The following ATP13A2 variants were observed in gnomAD, a reference collection of about 807,000 sequenced individuals.
ATP13A2 encodes ATPase cation transporting 13A2.
In ATP13A2, 83 loss-of-function variants were observed where a neutral mutation model predicts 138.3. The ratio of observed to expected loss-of-function variants is 0.60; its 90% CI spans 0.50 to 0.72. ATP13A2 has a LOEUF of 0.72. Ranked by LOEUF, ATP13A2 falls within the 30% of genes least tolerant of loss-of-function variation. The pLI, the probability that ATP13A2 is intolerant of heterozygous loss-of-function variation, is 0.00. For missense variants in ATP13A2, 1,402 were observed against 1,606.4 expected (o/e 0.87, Z 2.17); for synonymous variants, 663 against 699.0 (o/e 0.95, Z 0.81).
rs41273151 is a variant in ATP13A2 at position 16,986,101 on chromosome 1, T to A, written c.*120A>T. 8,298 of 1,555,544 alleles carry A rather than the reference T, an allele frequency of 5.3e-3. 24 individuals are homozygous for A. The highest frequency in any genetic ancestry group is 6.5e-3 in the Non-Finnish European group (7,451 of 1,152,618). ...GGTGGGGGTGGTCTCGGGGGAGGAGTGTAGACAGTCGCCAACCTCAGGGAT... is the reference window on the plus strand; with the variant it reads ...GGTGGGGGTGGTCTCGGGGGAGGAGAGTAGACAGTCGCCAACCTCAGGGAT... On this transcript the variant is annotated 3_prime_UTR_variant, in exon 29 of 29. Transcript: ENST00000326735. This position sits in a 1 kb window ranked among gnomAD's most constrained non-coding sequence, Gnocchi z 6.9.
rs533548757 is a variant in ATP13A2 at position 16,986,321 on chromosome 1, C to G, written c.3443G>C (p.Arg1148Pro). 3 of 1,587,560 alleles carry G rather than the reference C, an allele frequency of 1.9e-6. No individual in the cohort carries two copies. The highest frequency in any genetic ancestry group is 2.7e-5 in the African/African-American group (2 of 74,450). ...LDQCLPACLRRLRPKRASKKR... is the reference protein window; with the variant it reads ...LDQCLPACLRPLRPKRASKKR... ...CTTGGAGGCCCGCTTGGGCCGGAGGCGGCGCAGGCAGGCGGGGAGGCACTG... is the reference window on the plus strand; with the variant it reads ...CTTGGAGGCCCGCTTGGGCCGGAGGGGGCGCAGGCAGGCGGGGAGGCACTG... Residue 1148 changes from arginine to proline, a missense_variant, in exon 29 of 29, where the codon CGC becomes CCC. Coordinates refer to ENST00000326735, the MANE Select transcript of ATP13A2 (RefSeq NM_022089.4). The surrounding 1 kb of genome is among the most constrained non-coding windows in gnomAD (Gnocchi z 6.9).
At chr1:17,008,062 A>G (rs2077629436) in intron 1 of ATP13A2, among the ~76,000 whole-genome samples, 1 of 146,578 alleles carries the variant, frequency 6.8e-6, no homozygotes, top group Non-Finnish European at 1.5e-5. Context: ...TCATTCATTT[A>G]TTTACTTATC....
Position 16,995,832 on chromosome 1 carries a change from G to T in ATP13A2, c.1542+144C>A. The stretch of plus-strand genomic sequence containing the variant: ...GCCCAGTGAGGGCAGGAGTGGGATG[G>T]GGTGGATCCTCTGGGGGTTTCCATC... On this transcript the variant is annotated intron_variant, in intron 15 of 28. Transcript: ENST00000326735. This position sits in a 1 kb window ranked among gnomAD's most constrained non-coding sequence, Gnocchi z 4.1. 2.1e-6 allele frequency: 2 copies of T among 967,922 alleles called. No homozygotes were observed. The highest frequency in any genetic ancestry group is 3.2e-6 in the Non-Finnish European group (2 of 627,166). The allele number at this position is 967,922 out of a possible 1,614,324, so 60.0% of individuals were successfully genotyped here.
intron 12 of ATP13A2, 61 bp downstream of exon 12, chr1:16,996,959 C>T: frequency 6.3e-7 from 1 of 1,575,830 alleles, no homozygotes; most frequent in Non-Finnish European, 8.6e-7. Context: ...CTGCCTCACT[C>T]CACCTCTCCC....
At chr1:17,009,932 T>C (rs1414871896) in intron 1 of ATP13A2, among the ~76,000 whole-genome samples, 1 of 152,122 alleles carries the variant, frequency 6.6e-6, no homozygotes, top group Non-Finnish European at 1.5e-5. Flanking sequence ...GGGCACTCTC[T>C]CCTGCAGTAC....
Position 16,986,509 on chromosome 1 carries a change from A to G in ATP13A2, c.3359T>C (p.Leu1120Pro). 1 of 1,612,730 alleles carries G rather than the reference A, an allele frequency of 6.2e-7. No homozygotes were observed. Among genetic ancestry groups the G allele is most frequent in the Non-Finnish European group, 8.5e-7 (1 of 1,179,894 alleles). The change falls in exon 28 of 29, where the codon CTG becomes CCG. Residue 1120 changes from leucine (L) to proline (P), a missense_variant. Coordinates refer to ENST00000326735, the MANE Select transcript of ATP13A2 (RefSeq NM_022089.4). The surrounding 1 kb of genome is among the most constrained non-coding windows in gnomAD (Gnocchi z 6.9). Reference protein sequence around the residue: ...NITDTGFKLLLLGLVTLNFVG... With the variant: ...NITDTGFKLLPLGLVTLNFVG... ...GAAGTTGAGGGTGACCAGACCCAGC[A>G]GCAGCAGCTTGAAGCCGGTGTCAGT...
At position 16,989,700 on chromosome 1, in the gene ATP13A2, T is replaced by C; in HGVS notation, c.2600A>G (p.Gln867Arg). ...TCTGCCGAGCACTCACTGAAGCTTCTGTAGCTCGCACACCAGCTCTGTCTT... is the reference window on the plus strand; with the variant it reads ...TCTGCCGAGCACTCACTGAAGCTTCCGTAGCTCGCACACCAGCTCTGTCTT... ...EQKTELVCEL[Q>R]KLQYCVGMCG... is the part of the protein sequence containing the mutation. The change falls in exon 23 of 29, where the codon CAG (glutamine) becomes CGG (arginine). Residue 867 changes from glutamine to arginine, a missense_variant. Gln to Arg is a conservative substitution (Grantham distance 43). Transcript: ENST00000326735. 6.2e-7 allele frequency: 1 copy of C among 1,614,144 alleles called. No individual in the cohort carries two copies.
In ATP13A2 at chr1:16,988,346, A is replaced by G. The variant is rs1330668231; in HGVS notation, c.2738T>C (p.Ile913Thr). ...VSPFTSSMAS[I>T]ECVPMVIREG... ...CCTGATGACCATGGGCACGCACTCA[A>G]TACTGGCCATGCTCGAGGTGAAGGG... The change falls in exon 24 of 29, where the codon ATT (isoleucine) becomes ACT (threonine). Residue 913 changes from isoleucine (I) to threonine (T), a missense_variant. Coordinates refer to ENST00000326735, the MANE Select transcript of ATP13A2 (RefSeq NM_022089.4). The G allele has an allele frequency of 1.2e-6, 2 of 1,614,020 alleles. No individual in the cohort carries two copies. The highest frequency in any genetic ancestry group is 8.5e-7 in the Non-Finnish European group (1 of 1,180,036).
In ATP13A2 at chr1:16,988,333, G is replaced by A. The variant is rs1466893308; in HGVS notation, c.2751C>T (p.Pro917=). The A allele has an allele frequency of 1.2e-6, 2 of 1,614,216 alleles. No homozygotes were observed. The highest frequency in any genetic ancestry group is 1.7e-6 in the Non-Finnish European group (2 of 1,180,046). The change falls in exon 24 of 29, where the codon CCC becomes CCT. Residue 917 remains proline (P), a synonymous_variant. Transcript: ENST00000326735. The part of the protein sequence containing the change: ...TSSMASIECV[P]MVIREGRCSL... Reference sequence around the variant, plus strand: ...CCTGCCTGCCTTACCTGATGACCATGGGCACGCACTCAATACTGGCCATGC... The same window carrying A: ...CCTGCCTGCCTTACCTGATGACCATAGGCACGCACTCAATACTGGCCATGC...
Position 16,990,011 on chromosome 1 carries a change from C to T in ATP13A2, c.2413-8G>A, listed in dbSNP as rs1326749895. The T allele has an allele frequency of 6.2e-7, 1 of 1,612,502 alleles. No individual in the cohort carries two copies. The highest frequency in any genetic ancestry group is 8.5e-7 in the Non-Finnish European group (1 of 1,179,292). On this transcript the variant is annotated splice_region_variant and splice_polypyrimidine_tract_variant and intron_variant, in intron 21 of 28. Coordinates refer to ENST00000326735, the MANE Select transcript of ATP13A2 (RefSeq NM_022089.4). ...TGCAGCCTGGTCAGGATCCTGGGGG[C>T]CCAGGAAGCTCAGCTTAGCTCCCCC...
rs1441418756 is a variant in ATP13A2 at position 16,995,150 on chromosome 1, C to T, written c.1542+826G>A. ...ACGGTACATCTGTGCTATGACACTC[C>T]CACCTTTTACCCTTGCTTCTCCTCG... On this transcript the variant is annotated intron_variant, in intron 15 of 28. Coordinates refer to ENST00000326735, the MANE Select transcript of ATP13A2 (RefSeq NM_022089.4). The surrounding 1 kb of genome is among the most constrained non-coding windows in gnomAD (Gnocchi z 4.1). Among the ~76,000 whole-genome samples the T allele has an allele frequency of 6.6e-6, 1 of 152,206 alleles. No homozygotes were observed. Among genetic ancestry groups the T allele is most frequent in the Non-Finnish European group, 1.5e-5 (1 of 68,040 alleles).
intron 1 of ATP13A2, among the ~76,000 whole-genome samples, chr1:17,009,552 TGCACCAG>T (rs1041485389): frequency 3.3e-5 from 5 of 152,088 alleles, no homozygotes; most frequent in Admixed American, 2.0e-4. Flanking sequence ...CAGGTGCCAC[TGCACCAG>T]GCTAATTTTT....
At chr1:16,996,803 C>T (rs2077143045) in intron 12 of ATP13A2, 1 of 687,844 alleles carries the variant, frequency 1.5e-6, no homozygotes, top group East Asian at 2.7e-5. Flanking sequence ...GCGGCTCCTC[C>T]AGATCTTGCA....
chr1:16,993,982 G>A (rs1251775222), intron 15 of ATP13A2, 147 bp from the exon 16 acceptor site: 2 of 684,038 alleles, frequency 2.9e-6, no homozygotes, highest in Non-Finnish European at 4.9e-6. Context: ...CTTGACTGCT[G>A]TCCTTGGCAC....
chr1:16,990,269 G>A lies in ATP13A2; in HGVS notation c.2270C>T (p.Ala757Val), dbSNP rs1208175914. 3.1e-6 allele frequency: 5 copies of A among 1,613,930 alleles called. No homozygotes were observed. The highest frequency in any genetic ancestry group is 1.3e-5 in the African/African-American group (1 of 74,936). Reference sequence around the variant, plus strand: ...GCCACAGCCCCGGGCCACAGTCACCGCTGTCTGCAGGTTGTCCCCTGGGGG... The same window carrying A: ...GCCACAGCCCCGGGCCACAGTCACCACTGTCTGCAGGTTGTCCCCTGGGGG... ...VMVTGDNLQTAVTVARGCGMV... is the reference protein window; with the variant it reads ...VMVTGDNLQTVVTVARGCGMV... The change falls in exon 21 of 29, where the codon GCG becomes GTG. Residue 757 changes from alanine to valine, a missense_variant. By Grantham distance (64) the Ala-to-Val change is moderately conservative. Coordinates refer to ENST00000326735, the MANE Select transcript of ATP13A2 (RefSeq NM_022089.4).
chr1:16,996,739 G>C (rs1461792130), intron 12 of ATP13A2: 1 of 618,060 alleles, frequency 1.6e-6, no homozygotes, highest in Non-Finnish European at 2.9e-6. Flanking sequence ...CCAGACACAG[G>C]GAAGGCTCCT....
chr1:16,996,521 G>A (rs749728364), intron 12 of ATP13A2, 25 bp from the exon 13 acceptor site: 1 of 1,603,628 alleles, frequency 6.2e-7, no homozygotes, highest in Admixed American at 1.7e-5. Flanking sequence ...GGGACCCCAA[G>A]GCAGGGAAGC....
intron 11 of ATP13A2, among the ~76,000 whole-genome samples, chr1:16,997,425 G>GGGGGGGA (rs2077178023): frequency 1.4e-5 from 2 of 138,058 alleles, no homozygotes; most frequent in African/African-American, 5.5e-5. Context: ...GGGGGGGGGT[G>GGGGGGGA]GGTCAGACAG....
chr1:16,990,206 G>C lies in ATP13A2; in HGVS notation c.2333C>G (p.Ala778Gly). 1 of 1,613,990 alleles carries C rather than the reference G, an allele frequency of 6.2e-7. No homozygotes were observed. Among genetic ancestry groups the C allele is most frequent in the Non-Finnish European group, 8.5e-7 (1 of 1,180,022 alleles). Residue 778 changes from alanine (A) to glycine (G), a missense_variant, in exon 21 of 29, where the codon GCC (alanine) becomes GGC (glycine). By Grantham distance (60) the Ala-to-Gly change is moderately conservative. Coordinates refer to ENST00000326735, the MANE Select transcript of ATP13A2 (RefSeq NM_022089.4). ...APQEHLIIVH[A>G]THPERGQPAS... ...AGGCTGACCCCGCTCAGGGTGGGTGGCGTGGACGATGATCAGATGCTCCTG... is the reference window on the plus strand; with the variant it reads ...AGGCTGACCCCGCTCAGGGTGGGTGCCGTGGACGATGATCAGATGCTCCTG...
Sources: gnomAD v4.1 joint callset for allele counts (sites outside exome capture counted in the v4.1 genomes callset) on GRCh38, gnomAD v4.1.1 for gene constraint, Gnocchi (gnomAD v3.1) non-coding constraint, MANE v1.5 for transcripts, NCBI Gene and HGNC (gene_info 2026-07-23, HGNC 2026-07-21) for gene names.